Variants in CECR2 observed in about 807,000 individuals in gnomAD.
CECR2 encodes the protein CECR2 histone acetyl-lysine reader.
A neutral mutation model predicts 154.5 loss-of-function variants in CECR2; 30 were observed. The ratio of observed to expected loss-of-function variants is 0.19; its 90% CI spans 0.15 to 0.26. The LOEUF (loss-of-function observed/expected upper bound fraction) is 0.26. CECR2 is among the 10% of genes least tolerant of loss of function. The pLI, the probability that CECR2 is intolerant of heterozygous loss-of-function variation, is 1.00. For synonymous variants in CECR2, 725 were observed against 683.7 expected, an observed-to-expected ratio of 1.06 and a Z score of -0.94; for missense variants, 1,743 against 1,829.3, an observed-to-expected ratio of 0.95 and a Z score of 0.86.
chr22:17,546,090 C>A (rs370948529), intron 16 of CECR2, among the ~76,000 whole-genome samples: 2 of 151,866 alleles, frequency 1.3e-5, no homozygotes. Flanking sequence ...GGGAAAAAAA[C>A]CTTTTAGTAT....
At chr22:17,372,473 C>T (rs2063072331) in intron 1 of CECR2, among the ~76,000 whole-genome samples, 1 of 152,240 alleles carries the variant, frequency 6.6e-6, no homozygotes, top group Admixed American at 6.6e-5. Flanking sequence ...CGAGACGAGA[C>T]TGGCTAACAT....
chr22:17,512,302 G>C (rs573085050), intron 8 of CECR2, among the ~76,000 whole-genome samples: 2 of 152,114 alleles, frequency 1.3e-5, no homozygotes, highest in East Asian at 3.9e-4. Flanking sequence ...TGGGAGAGGT[G>C]GGGCAGAAGG....
At chr22:17,495,157 G>GA (rs1475160995) in intron 2 of CECR2, among the ~76,000 whole-genome samples, 1 of 152,064 alleles carries the variant, frequency 6.6e-6, no homozygotes, top group Admixed American at 6.6e-5. Flanking sequence ...TTATTAATAA[G>GA]AAAAAACTTT....
chr22:17,518,335 C>T (rs777868413), intron 8 of CECR2, among the ~76,000 whole-genome samples: 2 of 152,180 alleles, frequency 1.3e-5, no homozygotes, highest in East Asian at 3.8e-4. Context: ...GTCTTGAAAG[C>T]AGATGTTAGC....
At chr22:17,408,085 A>T (rs2054012047) in intron 1 of CECR2, among the ~76,000 whole-genome samples, 1 of 152,154 alleles carries the variant, frequency 6.6e-6, no homozygotes. Flanking sequence ...ACTATTAACC[A>T]TTTTAAAGTG....
intron 1 of CECR2, chr22:17,419,800 T>C (rs543304721): frequency 7.0e-6 from 2 of 284,992 alleles, no homozygotes; most frequent in East Asian, 8.7e-5. Flanking sequence ...GTCAAAAAAT[T>C]TGGTGCTCAG....
rs148179073 is a variant in CECR2 at position 17,403,712 on chromosome 22, G to T, written c.126+33803G>T. On this transcript the variant is annotated intron_variant, in intron 1 of 18. Transcript: ENST00000262608. Reference sequence around the variant, plus strand: ...TATCTTTGGTGATCTTCTAGTTAAGGTATTCTGCTCATTTTAAAATTGGAC... The same window carrying T: ...TATCTTTGGTGATCTTCTAGTTAAGTTATTCTGCTCATTTTAAAATTGGAC... Among the ~76,000 whole-genome samples, 674 of 152,100 alleles carry T rather than the reference G, an allele frequency of 4.4e-3. 5 individuals are homozygous for T. Among genetic ancestry groups the T allele is most frequent in the African/African-American group, 0.015 (615 of 41,502 alleles).
chr22:17,397,571 C>G (rs373901991), intron 1 of CECR2, among the ~76,000 whole-genome samples: 1 of 152,096 alleles, frequency 6.6e-6, no homozygotes, highest in Non-Finnish European at 1.5e-5. Flanking sequence ...TATCTCTGCT[C>G]ACTGCCATCT....
chr22:17,486,151 G>C (rs558841451), intron 2 of CECR2, among the ~76,000 whole-genome samples: 2 of 152,076 alleles, frequency 1.3e-5, no homozygotes, highest in Non-Finnish European at 2.9e-5. Context: ...ATCTAAAAGG[G>C]TTTTTAAATC....
rs369135893 is a variant in CECR2, at chr22:17,458,512, G to GT, written c.127-19066dup. On this transcript the variant is annotated intron_variant, in intron 1 of 18. Coordinates refer to ENST00000262608, the MANE Select transcript of CECR2 (RefSeq NM_001290047.2). ...GGTGGGTAAAATGGTGCCATTGTGA[G>GT]TTTTTTTTTTCTTTTTAATATTATA... 7.5e-3 allele frequency among the ~76,000 whole-genome samples: 1,118 copies of GT among 148,532 alleles called. 7 individuals carry two copies. The highest frequency in any genetic ancestry group is 0.024 in the African/African-American group (983 of 40,594).
upstream of CECR2, among the ~76,000 whole-genome samples, chr22:17,365,274 G>A (rs12166702): frequency 0.032 from 4,869 of 152,216 alleles, 226 homozygotes; most frequent in African/African-American, 0.099. Context: ...GTTAACGACG[G>A]TTATGAAGAA....
chr22:17,540,553 G>A lies in CECR2; in HGVS notation c.1637G>A (p.Gly546Glu). 6.2e-7 allele frequency: 1 copy of A among 1,612,836 alleles called. No individual in the cohort carries two copies. The highest frequency in any genetic ancestry group is 8.5e-7 in the Non-Finnish European group (1 of 1,179,146). Residue 546 changes from glycine to glutamate, a missense_variant, in exon 14 of 19, where the codon GGG becomes GAG. This residue lies in a region of CECR2 where 103 missense variants were observed against 166.8 expected (regional missense o/e 0.62). Coordinates refer to ENST00000262608, the MANE Select transcript of CECR2 (RefSeq NM_001290047.2). Reference sequence around the variant, plus strand: ...CGGGAGAAAAGACGGAGTCGGGCTGGGCGAAGTGGTGGGAGCCATGTTTGG... The same window carrying A: ...CGGGAGAAAAGACGGAGTCGGGCTGAGCGAAGTGGTGGGAGCCATGTTTGG... ...EKREKRRSRA[G>E]RSGGSHVWTR... is the part of the protein sequence containing the mutation.
At chr22:17,389,624 TTTTATTTA>T (rs1244906438) in intron 1 of CECR2, among the ~76,000 whole-genome samples, 3 of 151,920 alleles carry the variant, frequency 2.0e-5, no homozygotes, top group African/African-American at 7.3e-5. Flanking sequence ...GGATATTCTT[TTTTATTTA>T]TTTATTTATT....
intron 1 of CECR2, among the ~76,000 whole-genome samples, chr22:17,375,353 G>A (rs2063106141): frequency 6.6e-6 from 1 of 152,004 alleles, no homozygotes; most frequent in Admixed American, 6.6e-5. Context: ...GACCTCAGGT[G>A]ATCCACCTGC....
intron 1 of CECR2, among the ~76,000 whole-genome samples, chr22:17,458,115 T>C (rs1251569686): frequency 6.6e-6 from 1 of 151,760 alleles, no homozygotes; most frequent in African/African-American, 2.4e-5. Context: ...TCAATACATA[T>C]GATAAAACTG....
At chr22:17,419,804 TGCTCAGAATATA>T in intron 1 of CECR2, 1 of 277,160 alleles carries the variant, frequency 3.6e-6, no homozygotes. Flanking sequence ...AAAAATTTGG[TGCTCAGAATATA>T]GCTCAGAGGA....
In CECR2 at chr22:17,473,045, G is replaced by A. The variant is rs77832318; in HGVS notation, c.127-4543G>A. Among the ~76,000 whole-genome samples the A allele has an allele frequency of 8.0e-3, 1,220 of 152,194 alleles. 8 individuals are homozygous for A. Among genetic ancestry groups the A allele is most frequent in the Non-Finnish European group, 0.012 (832 of 68,006 alleles). On this transcript the variant is annotated intron_variant, in intron 1 of 18. Transcript: ENST00000262608. ...TTTCCCAGCAGCCACTGCACGGCTC[G>A]AAGGATTTGTCGTTGAGGGTGGAGA...
At chr22:17,396,693 A>G (rs935827520) in intron 1 of CECR2, among the ~76,000 whole-genome samples, 3 of 152,228 alleles carry the variant, frequency 2.0e-5, no homozygotes, top group African/African-American at 7.2e-5. Context: ...GATGTGGTTG[A>G]GTGTTTAGAA....
At chr22:17,488,180 G>T (rs779774815) in intron 2 of CECR2, among the ~76,000 whole-genome samples, 4 of 152,112 alleles carry the variant, frequency 2.6e-5, no homozygotes, top group Non-Finnish European at 2.9e-5. Context: ...ACCGCACCCG[G>T]CCTCATTTAA....
Sources: gnomAD v4.1 joint callset for allele counts (sites outside exome capture counted in the v4.1 genomes callset) on GRCh38, gnomAD v4.1.1 for gene constraint, gnomAD v4.1.1 regional missense constraint, MANE v1.5 for transcripts, NCBI Gene and HGNC (gene_info 2026-07-23, HGNC 2026-07-21) for gene names.